Variants in NDOR1 observed in about 807,000 individuals in gnomAD.
NDOR1 encodes NADPH dependent diflavin oxidoreductase 1.
NDOR1 carries 61 observed loss-of-function variants against 67.2 expected under a neutral mutation model. The observed-to-expected ratio is 0.91, with a 90% CI of 0.74 to 1.12. The LOEUF (loss-of-function observed/expected upper bound fraction) is 1.12, where lower values mean the gene tolerates loss of function less well. Among genes scored for constraint, NDOR1 ranks in the 50% most tolerant of loss-of-function variants. The pLI is 0.00. For synonymous variants in NDOR1, 378 were observed against 343.7 expected (o/e 1.10, Z -1.10); for missense variants, 878 against 802.8 (o/e 1.09, Z -1.13).
Position 137,212,667 on chromosome 9 carries a change from G to A in NDOR1, c.311+68G>A. 1 of 1,437,164 alleles carries A rather than the reference G, an allele frequency of 7.0e-7. No homozygotes were observed. Among genetic ancestry groups the A allele is most frequent in the Non-Finnish European group, 9.8e-7 (1 of 1,020,634 alleles). The allele number at this position is 1,437,164 out of a possible 1,614,324, so 89.0% of individuals were successfully genotyped here. A position where few individuals can be genotyped will look rare whatever the true frequency, so the allele number is the denominator to read the frequency against. On this transcript the variant is annotated intron_variant, in intron 3 of 13. Coordinates refer to ENST00000684003, the MANE Select transcript of NDOR1 (RefSeq NM_014434.4). The surrounding 1 kb of genome is among the most constrained non-coding windows in gnomAD (Gnocchi z 4.3). ...GGGTCGAGCAACAGGTGTGCTGGCA[G>A]AGGACCGAGACCAGCTTCCAGGGTC... is the stretch of plus-strand genomic sequence containing the variant.
Position 137,212,620 on chromosome 9 carries a change from T to A in NDOR1, c.311+21T>A, listed in dbSNP as rs368620084. 3 of 1,599,270 alleles carry A rather than the reference T, an allele frequency of 1.9e-6. No homozygotes were observed. Among genetic ancestry groups the A allele is most frequent in the Non-Finnish European group, 2.6e-6 (3 of 1,166,632 alleles). Reference sequence around the variant, plus strand: ...GCCAAGTGAGTAGGGGATGGGACAGTGGGCGGACGGAACAGTTCTGGGGGT... The same window carrying A: ...GCCAAGTGAGTAGGGGATGGGACAGAGGGCGGACGGAACAGTTCTGGGGGT... On this transcript the variant is annotated intron_variant, in intron 3 of 13. Transcript: ENST00000684003. This position sits in a 1 kb window ranked among gnomAD's most constrained non-coding sequence, Gnocchi z 4.3.
chr9:137,213,932 G>T (rs1473593538), intron 4 of NDOR1, 35 bp from the exon 5 acceptor site: 15 of 1,581,830 alleles, frequency 9.5e-6, no homozygotes, highest in Non-Finnish European at 1.3e-5. Context: ...CCACACGCAG[G>T]GTCCGCTCAG....
Position 137,211,390 on chromosome 9 carries a change from T to C in NDOR1, c.214-1112T>C, listed in dbSNP as rs946095813. Among the ~76,000 whole-genome samples the C allele has an allele frequency of 5.9e-5, 9 of 152,220 alleles. No homozygotes were observed. The South Asian group carries it at 1.0e-3, about 18-fold the overall frequency. On this transcript the variant is annotated intron_variant, in intron 2 of 13. Transcript: ENST00000684003. ...GGCATGTCACTGTGGGTTTAGCCTC[T>C]GGGGACAGAGTGCCCTACACACCCC...
chr9:137,218,237 G>A lies in NDOR1; in HGVS notation c.*1821G>A, dbSNP rs979744543. ...CCCGCTGTGCCGCCAGAAGACGCCC[G>A]TGCTGGAATGGGAGATCTGCCGGCT... On this transcript the variant is annotated 3_prime_UTR_variant, in exon 14 of 14. Coordinates refer to ENST00000684003, the MANE Select transcript of NDOR1 (RefSeq NM_014434.4). The A allele has an allele frequency of 1.8e-5, 7 of 398,256 alleles. No homozygotes were observed. The highest frequency in any genetic ancestry group is 2.5e-4 in the South Asian group (2 of 7,874). 24.7% of individuals were successfully genotyped at this position (398,256 alleles called of 1,614,324 possible). A position where few individuals can be genotyped will look rare whatever the true frequency, so the allele number is the denominator to read the frequency against.
rs1564400751 is a variant in NDOR1 at position 137,215,473 on chromosome 9, C to T, written c.1240C>T (p.Arg414Cys). Residue 414 changes from arginine to cysteine, a missense_variant, in exon 10 of 14, where the codon CGC becomes TGC. Coordinates refer to ENST00000684003, the MANE Select transcript of NDOR1 (RefSeq NM_014434.4). ...VQFQTRLKEP[R>C]RGLCSSWLAS... is the part of the protein sequence containing the mutation. The stretch of plus-strand genomic sequence containing the variant: ...GTTCCAGACTCGCCTCAAGGAGCCC[C>T]GCCGGGGCCTCTGCTCCTCCTGGCT... 11 of 1,613,512 alleles carry T rather than the reference C, an allele frequency of 6.8e-6. No individual in the cohort carries two copies. Among genetic ancestry groups the T allele is most frequent in the East Asian group, 2.2e-5 (1 of 44,876 alleles).
Position 137,214,889 on chromosome 9 carries a change from C to A in NDOR1, c.936C>A (p.Ser312=), listed in dbSNP as rs1338424464. 1 of 1,612,176 alleles carries A rather than the reference C, an allele frequency of 6.2e-7. No individual in the cohort carries two copies. The highest frequency in any genetic ancestry group is 8.5e-7 in the Non-Finnish European group (1 of 1,180,040). The part of the protein sequence containing the change: ...YLDIASVPRR[S]FFELLACLSL... ...ACATCGCCAGCGTGCCTCGCCGCTC[C>A]TTCTTCGAACTCCTGGCCTGTCTAT... Residue 312 remains serine, a synonymous_variant, in exon 8 of 14, where the codon TCC becomes TCA. Transcript: ENST00000684003.
In NDOR1 at chr9:137,217,413, C is replaced by T. The variant is rs374333618; in HGVS notation, c.*997C>T. On this transcript the variant is annotated 3_prime_UTR_variant, in exon 14 of 14. Coordinates refer to ENST00000684003, the MANE Select transcript of NDOR1 (RefSeq NM_014434.4). ...CGGAAAGAGGAGCGGCAGGAGGGGG[C>T]GTGGTTGTGCAGCCCCACCCCCGGG... 82 of 152,488 alleles carry T rather than the reference C, an allele frequency of 5.4e-4. 1 individual carries two copies. The highest frequency in any genetic ancestry group is 1.6e-3 in the Admixed American group (24 of 15,300). 9.4% of individuals were successfully genotyped at this position (152,488 alleles called of 1,614,324 possible).
chr9:137,214,095 A>G (rs769748474), intron 5 of NDOR1, 27 bp downstream of exon 5: 130 of 1,531,594 alleles, frequency 8.5e-5, no homozygotes, highest in Non-Finnish European at 1.1e-4. Context: ...GGTCACCCAC[A>G]GGCGCAGCAG....
Position 137,214,032 on chromosome 9 carries a change from C to T in NDOR1, c.476C>T (p.Pro159Leu), listed in dbSNP as rs374387586. 1.7e-5 allele frequency: 26 copies of T among 1,545,830 alleles called. No individual in the cohort carries two copies. Among genetic ancestry groups the T allele is most frequent in the African/African-American group, 2.7e-5 (2 of 73,284 alleles). The change falls in exon 5 of 14, where the codon CCG (proline) becomes CTG (leucine). Residue 159 changes from proline (P) to leucine (L), a missense_variant. Transcript: ENST00000684003. ...LWDRVLGLYPPPPGLTEIPPG... is the reference protein window; with the variant it reads ...LWDRVLGLYPLPPGLTEIPPG... ...GACAGGGTTCTGGGGCTGTACCCGC[C>T]GCCTCCGGGCCTCACTGAGATCCCT...
At chr9:137,205,974 G>C (rs1249615204) in intron 1 of NDOR1, 62 bp downstream of exon 1, 2 of 1,504,628 alleles carry the variant, frequency 1.3e-6, no homozygotes, top group African/African-American at 1.4e-5. Context: ...CGCCTCGCGG[G>C]GTCATCGACC....
chr9:137,213,111 G>A (rs1162590247), intron 3 of NDOR1, among the ~76,000 whole-genome samples: 2 of 152,314 alleles, frequency 1.3e-5, no homozygotes, highest in South Asian at 2.1e-4. Flanking sequence ...ATCAAAAGCC[G>A]TTTGCATAGC....
rs563897889 is a variant in NDOR1, at chr9:137,217,693, G to C, written c.*1277G>C. 3 of 321,060 alleles carry C rather than the reference G, an allele frequency of 9.3e-6. No individual in the cohort carries two copies. Among genetic ancestry groups the C allele is most frequent in the South Asian group, 3.2e-4 (2 of 6,312 alleles). 19.9% of individuals were successfully genotyped at this position (321,060 alleles called of 1,614,324 possible). On this transcript the variant is annotated 3_prime_UTR_variant, in exon 14 of 14. Coordinates refer to ENST00000684003, the MANE Select transcript of NDOR1 (RefSeq NM_014434.4). ...GTGAGGAGAGCCAGCCGGGAGGTCA[G>C]TGCCAGAGCTCTGGTGGAGCCCAGA...
At position 137,216,264 on chromosome 9, in the gene NDOR1, C is replaced by T. The variant is rs755131720; in HGVS notation, c.1650-8C>T. 8 of 1,613,174 alleles carry T rather than the reference C, an allele frequency of 5.0e-6. No individual in the cohort carries two copies. The highest frequency in any genetic ancestry group is 1.1e-5 in the South Asian group (1 of 91,084). The stretch of plus-strand genomic sequence containing the variant: ...CCTCATTGCGCCTTCTGCGACCTGC[C>T]CCTCTAGCAACGCCAAGTCCATGCC... On this transcript the variant is annotated splice_region_variant and splice_polypyrimidine_tract_variant and intron_variant, in intron 13 of 13. Coordinates refer to ENST00000684003, the MANE Select transcript of NDOR1 (RefSeq NM_014434.4).
chr9:137,214,283 G>A lies in NDOR1; in HGVS notation c.592G>A (p.Gly198Ser), dbSNP rs746275301. ...GSEGQRVAHP[G>S]SQEPPSESKP... The stretch of plus-strand genomic sequence containing the variant: ...TGAGGGGCAGCGGGTAGCTCACCCC[G>A]GCTCTCAGGAGCCCCCGTCAGAGTC... Residue 198 changes from glycine (G) to serine (S), a missense_variant, in exon 6 of 14, where the codon GGC (glycine) becomes AGC (serine). Coordinates refer to ENST00000684003, the MANE Select transcript of NDOR1 (RefSeq NM_014434.4). The A allele has an allele frequency of 9.3e-6, 15 of 1,613,722 alleles. No individual in the cohort carries two copies. The highest frequency in any genetic ancestry group is 4.0e-5 in the African/African-American group (3 of 74,920).
Position 137,212,733 on chromosome 9 carries a change from TCTC to T in NDOR1, c.311+136_311+138del, listed in dbSNP as rs1355628179. The T allele has an allele frequency of 1.3e-6, 1 of 761,920 alleles. No homozygotes were observed. Among genetic ancestry groups the T allele is most frequent in the Non-Finnish European group, 2.2e-6 (1 of 448,846 alleles). The allele number at this position is 761,920 out of a possible 1,614,324, so 47.2% of individuals were successfully genotyped here. A position where few individuals can be genotyped will look rare whatever the true frequency, so the allele number is the denominator to read the frequency against. On this transcript the variant is annotated intron_variant, in intron 3 of 13. Transcript: ENST00000684003. The surrounding 1 kb of genome is among the most constrained non-coding windows in gnomAD (Gnocchi z 4.3). Reference sequence around the variant, plus strand: ...CAGGGCCCTCGCAGTGGTACTGGCTTCTCCACAACGCTCCCTGGTGGGCACCCC... The same window carrying T: ...CAGGGCCCTCGCAGTGGTACTGGCTTCACAACGCTCCCTGGTGGGCACCCC...
In NDOR1 at chr9:137,214,028, C is replaced by T; in HGVS notation, c.472C>T (p.Pro158Ser). ...DLWDRVLGLY[P>S]PPPGLTEIPP... ...GTGGGACAGGGTTCTGGGGCTGTACCCGCCGCCTCCGGGCCTCACTGAGAT... is the reference window on the plus strand; with the variant it reads ...GTGGGACAGGGTTCTGGGGCTGTACTCGCCGCCTCCGGGCCTCACTGAGAT... Residue 158 changes from proline (P) to serine (S), a missense_variant, in exon 5 of 14, where the codon CCG (proline) becomes TCG (serine). Physicochemically the swap from Pro to Ser is moderately conservative, Grantham distance 74. Coordinates refer to ENST00000684003, the MANE Select transcript of NDOR1 (RefSeq NM_014434.4). 1.3e-6 allele frequency: 2 copies of T among 1,546,462 alleles called. No homozygotes were observed. The highest frequency in any genetic ancestry group is 1.2e-5 in the South Asian group (1 of 84,446).
Position 137,216,105 on chromosome 9 carries a change from A to G in NDOR1, c.1566A>G (p.Val522=), listed in dbSNP as rs202019549. 5.6e-6 allele frequency: 9 copies of G among 1,613,502 alleles called. No homozygotes were observed. The highest frequency in any genetic ancestry group is 5.0e-5 in the Admixed American group (3 of 60,028). The change falls in exon 13 of 14, where the codon GTA becomes GTG. Residue 522 remains valine (V), a synonymous_variant. Coordinates refer to ENST00000684003, the MANE Select transcript of NDOR1 (RefSeq NM_014434.4). Reference sequence around the variant, plus strand: ...TCTCTGCCCTACAGGAGCAGAAAGTATATGTGCAGCACCGGCTCCGGGAGC... The same window carrying G: ...TCTCTGCCCTACAGGAGCAGAAAGTGTATGTGCAGCACCGGCTCCGGGAGC... ...PAFSREQEQK[V]YVQHRLRELG...
chr9:137,212,249 A>G lies in NDOR1; in HGVS notation c.214-253A>G, dbSNP rs1835295880. ...AAGGAAGCTCCACGCAGGCCTGTAGAGCACAGCAGGGTCTGGCTCCTGTGG... is the reference window on the plus strand; with the variant it reads ...AAGGAAGCTCCACGCAGGCCTGTAGGGCACAGCAGGGTCTGGCTCCTGTGG... On this transcript the variant is annotated intron_variant, in intron 2 of 13. Coordinates refer to ENST00000684003, the MANE Select transcript of NDOR1 (RefSeq NM_014434.4). The surrounding 1 kb of genome is among the most constrained non-coding windows in gnomAD (Gnocchi z 4.3). 6.6e-6 allele frequency among the ~76,000 whole-genome samples: 1 copy of G among 152,124 alleles called. No individual in the cohort carries two copies. Among genetic ancestry groups the G allele is most frequent in the African/African-American group, 2.4e-5 (1 of 41,412 alleles).
intron 11 of NDOR1, 27 bp from the exon 12 acceptor site, chr9:137,215,872 G>A (rs1456003846): frequency 1.9e-6 from 3 of 1,612,472 alleles, no homozygotes; most frequent in Non-Finnish European, 2.5e-6. Flanking sequence ...AAGGACCTGT[G>A]GCCAAGAGCA....
Sources: gnomAD v4.1 joint callset for allele counts (sites outside exome capture counted in the v4.1 genomes callset) on GRCh38, gnomAD v4.1.1 for gene constraint, Gnocchi (gnomAD v3.1) non-coding constraint, MANE v1.5 for transcripts, NCBI Gene and HGNC (gene_info 2026-07-23, HGNC 2026-07-21) for gene names.